The following KDM2B variants were observed in gnomAD, a reference collection of about 807,000 sequenced individuals.
The protein encoded by KDM2B is lysine-specific demethylase 2B.
In KDM2B, 26 loss-of-function variants were observed where a neutral mutation model predicts 150.0. The observed-to-expected ratio is 0.17, with a 90% CI of 0.13 to 0.24. KDM2B has a LOEUF of 0.24. Ranked by LOEUF, KDM2B falls within the 10% of genes least tolerant of loss-of-function variation. The probability of loss-of-function intolerance (pLI) is 1.00; values close to 1 mark genes in which losing one functional copy is unlikely to be tolerated. For synonymous variants in KDM2B, 734 were observed against 729.5 expected (o/e 1.01, Z -0.10); for missense variants, 1,265 against 1,816.9 (o/e 0.70, Z 5.52).
At chr12:121,474,424 G>A (rs1238119544) in intron 12 of KDM2B, among the ~76,000 whole-genome samples, 5 of 152,060 alleles carry the variant, frequency 3.3e-5, no homozygotes, top group Admixed American at 6.6e-5. Context: ...GCTGAGGCAC[G>A]AGAATGGCGT....
Position 121,549,539 on chromosome 12 carries a change from T to C in KDM2B, c.497A>G (p.Gln166Arg), listed in dbSNP as rs782203101. ...FVRYYETPEA[Q>R]RDKLYNVISL... The stretch of plus-strand genomic sequence containing the variant: ...GATGACGTTGTACAGCTTGTCCCGC[T>C]GGGCCTCGGGCGTCTCGTAGTAACG... Residue 166 changes from glutamine (Q) to arginine (R), a missense_variant, in exon 5 of 23, where the codon CAG (glutamine) becomes CGG (arginine). This residue lies in a region of KDM2B where 214 missense variants were observed against 447.4 expected (regional missense o/e 0.48). Coordinates refer to ENST00000377071, the MANE Select transcript of KDM2B (RefSeq NM_032590.5). This position sits in a 1 kb window ranked among gnomAD's most constrained non-coding sequence, Gnocchi z 4.4. 6 of 1,613,580 alleles carry C rather than the reference T, an allele frequency of 3.7e-6. No individual in the cohort carries two copies. Among genetic ancestry groups the C allele is most frequent in the Non-Finnish European group, 5.1e-6 (6 of 1,179,700 alleles).
intron 4 of KDM2B, among the ~76,000 whole-genome samples, chr12:121,573,746 C>T (rs987068669): frequency 6.6e-6 from 1 of 152,120 alleles, no homozygotes. Flanking sequence ...CGCCACCACG[C>T]CTGGCTAATT....
chr12:121,506,656 G>C (rs1351752134), intron 11 of KDM2B, among the ~76,000 whole-genome samples: 1 of 151,942 alleles, frequency 6.6e-6, no homozygotes, highest in African/African-American at 2.4e-5. Context: ...AGATACAAAA[G>C]ACCAGGCGCG....
Position 121,442,208 on chromosome 12 carries a change from C to T in KDM2B, c.3233G>A (p.Ser1078Asn), listed in dbSNP as rs782096258. ...CATGCACACACACAGGTCTTGGTGG[C>T]TGAGGTAGCTGAAGACGGCCATCCA... ...EVWMAVFSYLSHQDLCVCMRV... is the reference protein window; with the variant it reads ...EVWMAVFSYLNHQDLCVCMRV... The change falls in exon 19 of 23, where the codon AGC becomes AAC. Residue 1078 changes from serine (S) to asparagine (N), a missense_variant. Coordinates refer to ENST00000377071, the MANE Select transcript of KDM2B (RefSeq NM_032590.5). The surrounding 1 kb of genome is among the most constrained non-coding windows in gnomAD (Gnocchi z 7.7). 2 of 1,613,506 alleles carry T rather than the reference C, an allele frequency of 1.2e-6. No homozygotes were observed. The highest frequency in any genetic ancestry group is 1.7e-5 in the Admixed American group (1 of 60,032).
At chr12:121,458,173 A>C (rs997761294) in intron 12 of KDM2B, among the ~76,000 whole-genome samples, 4 of 151,954 alleles carry the variant, frequency 2.6e-5, no homozygotes, top group Non-Finnish European at 5.9e-5. Flanking sequence ...GCTTGAGCTC[A>C]GGAGTTCAAG....
At chr12:121,434,954 G>C (rs12581861) in intron 22 of KDM2B, among the ~76,000 whole-genome samples, 52,099 of 150,358 alleles carry the variant, frequency 0.35, 9,666 homozygotes, top group East Asian at 0.44. Context: ...AAGACTTTGT[G>C]TTGAAAAAAG....
rs1886374810 is a variant in KDM2B, at chr12:121,518,016, C to T, written c.1047+2969G>A. Among the ~76,000 whole-genome samples the T allele has an allele frequency of 6.6e-6, 1 of 151,894 alleles. No homozygotes were observed. The highest frequency in any genetic ancestry group is 2.4e-5 in the African/African-American group (1 of 41,352). On this transcript the variant is annotated intron_variant, in intron 9 of 22. Transcript: ENST00000377071. The surrounding 1 kb of genome is among the most constrained non-coding windows in gnomAD (Gnocchi z 4.4). ...CAAGCAATTCTCCTGCCTCAGCCTC[C>T]TGAGTAGCTGGGATTACAGGCACAC...
At chr12:121,440,216 A>G (rs1274001171) in intron 21 of KDM2B, 141 bp from the exon 22 acceptor site, 2 of 627,360 alleles carry the variant, frequency 3.2e-6, no homozygotes, top group Middle Eastern at 4.3e-4. Flanking sequence ...TCCCAAAATC[A>G]TAATTCCAAC....
At chr12:121,514,173 G>A (rs1190763857) in intron 9 of KDM2B, among the ~76,000 whole-genome samples, 1 of 152,136 alleles carries the variant, frequency 6.6e-6, no homozygotes, top group Non-Finnish European at 1.5e-5. Flanking sequence ...GGAGTGCAGT[G>A]GCACGATCAT....
intron 22 of KDM2B, among the ~76,000 whole-genome samples, chr12:121,436,520 CAAA>C (rs34346956): frequency 7.9e-5 from 9 of 114,390 alleles, no homozygotes; most frequent in Admixed American, 8.8e-5. Context: ...GACTCCATCT[CAAA>C]AAAAAAAAAA....
chr12:121,578,568 C>A (rs947526211), intron 2 of KDM2B, among the ~76,000 whole-genome samples: 1 of 152,066 alleles, frequency 6.6e-6, no homozygotes, highest in Non-Finnish European at 1.5e-5. Flanking sequence ...TCTGCCCACC[C>A]TGGGGCTGGT....
In KDM2B at chr12:121,430,308, G is replaced by C; in HGVS notation, c.3991C>G (p.Leu1331Val). The change falls in exon 23 of 23, where the codon CTC becomes GTC. Residue 1331 changes from leucine to valine, a missense_variant. Transcript: ENST00000377071. This position sits in a 1 kb window ranked among gnomAD's most constrained non-coding sequence, Gnocchi z 4.4. ...TTGGACTAACTCAGTTTTTGCAGGA[G>C]TTTTTCTTCTACTTGCCCAAACTGG... ...SVQFGQVEEK[L>V]LQKLS The C allele has an allele frequency of 6.2e-7, 1 of 1,614,130 alleles. No homozygotes were observed. Among genetic ancestry groups the C allele is most frequent in the East Asian group, 2.2e-5 (1 of 44,892 alleles).
At chr12:121,522,185 T>C (rs1296185472) in intron 8 of KDM2B, among the ~76,000 whole-genome samples, 3 of 151,968 alleles carry the variant, frequency 2.0e-5, no homozygotes, top group Non-Finnish European at 4.4e-5. Flanking sequence ...TTTCAGGCCT[T>C]AACTCATTAA....
intron 10 of KDM2B, among the ~76,000 whole-genome samples, chr12:121,511,015 C>A (rs1224423126): frequency 6.8e-6 from 1 of 147,996 alleles, no homozygotes; most frequent in African/African-American, 2.6e-5. Flanking sequence ...TTTGTCTTTT[C>A]TCTTTTTTTT....
intron 11 of KDM2B, among the ~76,000 whole-genome samples, chr12:121,508,017 C>T (rs1044875749): frequency 9.9e-5 from 15 of 152,010 alleles, no homozygotes; most frequent in Admixed American, 8.5e-4. Flanking sequence ...TCTGTCTCAA[C>T]GGTAAAAAAA....
intron 2 of KDM2B, among the ~76,000 whole-genome samples, chr12:121,577,811 C>CAA (rs1244007091): frequency 6.6e-6 from 1 of 152,082 alleles, no homozygotes; most frequent in East Asian, 1.9e-4. Context: ...ATCCCGCAGG[C>CAA]AATACTAGGT....
intron 13 of KDM2B, among the ~76,000 whole-genome samples, chr12:121,451,729 T>C (rs1488704435): frequency 2.0e-5 from 3 of 151,966 alleles, no homozygotes; most frequent in African/African-American, 7.3e-5. Context: ...CTGGCCAACA[T>C]GATGAAGCCC....
chr12:121,573,617 C>A (rs1298714275), intron 4 of KDM2B, among the ~76,000 whole-genome samples: 1 of 147,842 alleles, frequency 6.8e-6, no homozygotes, highest in African/African-American at 2.5e-5. Context: ...CGGAGTCTCG[C>A]TCTGTCGCCC....
At chr12:121,579,499 GCCGC>G in intron 1 of KDM2B, 3 of 440,046 alleles carry the variant, frequency 6.8e-6, no homozygotes, top group Admixed American at 2.6e-5. Context: ...AGCCGCCCCC[GCCGC>G]CCGCCCGCCA....
Sources: allele counts gnomAD v4.1 joint callset (sites outside exome capture counted in the v4.1 genomes callset), GRCh38; gene constraint gnomAD v4.1.1; regional missense constraint gnomAD v4.1.1; non-coding constraint Gnocchi (gnomAD v3.1); transcripts MANE v1.5; gene names NCBI Gene and HGNC (gene_info 2026-07-23, HGNC 2026-07-21).